The following PLEK2 variants were observed in gnomAD, a reference collection of about 807,000 sequenced individuals.
The protein encoded by PLEK2 is pleckstrin 2.
In PLEK2, 29 loss-of-function variants were observed where a neutral mutation model predicts 43.8. The ratio of observed to expected loss-of-function variants is 0.66; its 90% CI spans 0.49 to 0.90. The LOEUF is 0.90. PLEK2 is among the 40% of genes least tolerant of loss of function. The pLI, the probability that PLEK2 is intolerant of heterozygous loss-of-function variation, is 0.00. For missense variants in PLEK2, 398 were observed against 448.1 expected (o/e 0.89, Z 1.01); for synonymous variants, 162 against 173.2 (o/e 0.94, Z 0.51).
Position 67,409,763 on chromosome 14 carries a change from G to A in PLEK2, c.42+2255C>T, listed in dbSNP as rs1264461110. On this transcript the variant is annotated intron_variant, in intron 1 of 8. Transcript: ENST00000216446. ...CTCTGCACTCCGGCTTCCAACGCAG[G>A]CCCTGCCCCACCTCTGAGCTCTTAA... Among the ~76,000 whole-genome samples, 11 of 152,226 alleles carry A rather than the reference G, an allele frequency of 7.2e-5. No individual in the cohort carries two copies. The East Asian group carries it at 2.1e-3, about 29-fold the overall frequency.
At chr14:67,389,784 T>G (rs2085953932) in intron 7 of PLEK2, among the ~76,000 whole-genome samples, 1 of 152,058 alleles carries the variant, frequency 6.6e-6, no homozygotes, top group Non-Finnish European at 1.5e-5. Flanking sequence ...TCTTTTTTTT[T>G]TTTTTAAGTG....
intron 7 of PLEK2, among the ~76,000 whole-genome samples, chr14:67,390,050 A>C (rs997941969): frequency 6.6e-6 from 1 of 152,230 alleles, no homozygotes; most frequent in African/African-American, 2.4e-5. Flanking sequence ...TGAAAGTCAT[A>C]CATTGCCCAA....
intron 1 of PLEK2, among the ~76,000 whole-genome samples, chr14:67,398,701 C>T (rs969477139): frequency 1.8e-4 from 28 of 152,066 alleles, no homozygotes; most frequent in African/African-American, 6.5e-4. Context: ...GGACTACAAG[C>T]GTGTGCCACC....
intron 1 of PLEK2, among the ~76,000 whole-genome samples, chr14:67,411,655 A>C (rs995404958): frequency 1.3e-5 from 2 of 152,222 alleles, no homozygotes; most frequent in Non-Finnish European, 2.9e-5. Context: ...CCTCCTTCAC[A>C]GGTTGTAAAT....
rs1477599755 is a variant in PLEK2, at chr14:67,393,176, C to T, written c.455G>A (p.Gly152Glu). 6.2e-7 allele frequency: 1 copy of T among 1,613,766 alleles called. No homozygotes were observed. The highest frequency in any genetic ancestry group is 8.5e-7 in the Non-Finnish European group (1 of 1,179,630). The part of the protein sequence containing the change: ...GIRSSPNMEQ[G>E]STYKKTFLGS... Reference sequence around the variant, plus strand: ...GAGGAAGGTCTTTTTATAGGTGCTTCCCTGCTCCATGTTGGGGCTTGAACG... The same window carrying T: ...GAGGAAGGTCTTTTTATAGGTGCTTTCCTGCTCCATGTTGGGGCTTGAACG... The change falls in exon 4 of 9, where the codon GGA becomes GAA. Residue 152 changes from glycine to glutamate, a missense_variant. Physicochemically the swap from Gly to Glu is moderately conservative, Grantham distance 98. Transcript: ENST00000216446.
At position 67,387,223 on chromosome 14, in the gene PLEK2, T is replaced by C. The variant is rs76880186; in HGVS notation, c.*106A>G. The C allele has an allele frequency of 5.6e-4, 620 of 1,104,760 alleles. 5 individuals are homozygous for C. In the East Asian group the frequency reaches 0.015, roughly 27 times the overall value. The allele number at this position is 1,104,760 out of a possible 1,614,324, so 68.4% of individuals were successfully genotyped here. A position where few individuals can be genotyped will look rare whatever the true frequency, so the allele number is the denominator to read the frequency against. On this transcript the variant is annotated 3_prime_UTR_variant, in exon 9 of 9. Coordinates refer to ENST00000216446, the MANE Select transcript of PLEK2 (RefSeq NM_016445.3). The stretch of plus-strand genomic sequence containing the variant: ...TGGCAGCATTCACTCTCCAAAGCAG[T>C]ACAAAACTTACAAAGAAGTCAAAAG...
intron 2 of PLEK2, among the ~76,000 whole-genome samples, chr14:67,396,724 T>C (rs1427650495): frequency 2.0e-5 from 3 of 152,266 alleles, no homozygotes. Context: ...TGACCCAGCC[T>C]GAAATATCTT....
chr14:67,399,256 A>C (rs1445763127), intron 1 of PLEK2, among the ~76,000 whole-genome samples: 1 of 151,722 alleles, frequency 6.6e-6, no homozygotes, highest in Non-Finnish European at 1.5e-5. Context: ...GGTGGCAGGA[A>C]TAGAGAAGGG....
Position 67,412,118 on chromosome 14 carries a change from C to A in PLEK2, c.-59G>T. ...CGCCTTCCCCGCGCCTCGCGCTCCT[C>A]GGCACCCGCGCAGCCCGCGCAGTCC... is the stretch of plus-strand genomic sequence containing the variant. On this transcript the variant is annotated 5_prime_UTR_variant, in exon 1 of 9. Transcript: ENST00000216446. 1.4e-6 allele frequency: 2 copies of A among 1,425,338 alleles called. No individual in the cohort carries two copies. The highest frequency in any genetic ancestry group is 3.0e-5 in the East Asian group (1 of 33,234). The allele number at this position is 1,425,338 out of a possible 1,614,324, so 88.3% of individuals were successfully genotyped here. A position where few individuals can be genotyped will look rare whatever the true frequency, so the allele number is the denominator to read the frequency against.
chr14:67,404,906 G>A (rs978089732), intron 1 of PLEK2, among the ~76,000 whole-genome samples: 10 of 151,962 alleles, frequency 6.6e-5, no homozygotes, highest in African/African-American at 2.2e-4. Context: ...TGTAAACAAT[G>A]GTCACCTCTA....
At chr14:67,389,728 G>C (rs1198825375) in intron 7 of PLEK2, among the ~76,000 whole-genome samples, 1 of 151,658 alleles carries the variant, frequency 6.6e-6, no homozygotes, top group Non-Finnish European at 1.5e-5. Flanking sequence ...AAGTAGGTTA[G>C]GCTAGACCAT....
chr14:67,412,092 G>A lies in PLEK2; in HGVS notation c.-33C>T. On this transcript the variant is annotated 5_prime_UTR_variant, in exon 1 of 9. Transcript: ENST00000216446. ...CCCGCACGCCAGGGCCACCCCAGGTGCGCCTTCCCCGCGCCTCGCGCTCCT... is the reference window on the plus strand; with the variant it reads ...CCCGCACGCCAGGGCCACCCCAGGTACGCCTTCCCCGCGCCTCGCGCTCCT... 1 of 1,496,952 alleles carries A rather than the reference G, an allele frequency of 6.7e-7. No homozygotes were observed. Among genetic ancestry groups the A allele is most frequent in the Non-Finnish European group, 8.9e-7 (1 of 1,125,438 alleles). The allele number at this position is 1,496,952 out of a possible 1,614,324, so 92.7% of individuals were successfully genotyped here.
chr14:67,390,511 T>C (rs1218634065), intron 7 of PLEK2, 152 bp downstream of exon 7: 1 of 686,758 alleles, frequency 1.5e-6, no homozygotes, highest in Non-Finnish European at 2.7e-6. Flanking sequence ...GCAGAGCAGC[T>C]TGGACTGTGG....
At chr14:67,395,635 G>T in intron 2 of PLEK2, 52 bp from the exon 3 acceptor site, 2 of 1,548,426 alleles carry the variant, frequency 1.3e-6, no homozygotes, top group Non-Finnish European at 1.8e-6. Flanking sequence ...GCAAGAGGAC[G>T]CCGGGCAGCA....
At chr14:67,411,168 A>C (rs899616912) in intron 1 of PLEK2, among the ~76,000 whole-genome samples, 7 of 149,980 alleles carry the variant, frequency 4.7e-5, no homozygotes, top group Non-Finnish European at 8.9e-5. Flanking sequence ...AGGTCAAATC[A>C]GGAAAAAATT....
At position 67,394,236 on chromosome 14, in the gene PLEK2, A is replaced by C. The variant is rs137873837; in HGVS notation, c.390-995T>G. 2.9e-3 allele frequency among the ~76,000 whole-genome samples: 435 copies of C among 152,260 alleles called. 8 individuals carry two copies. The highest frequency in any genetic ancestry group is 0.027 in the Admixed American group (415 of 15,300). On this transcript the variant is annotated intron_variant, in intron 3 of 8. Transcript: ENST00000216446. ...CAAAGAGGTGTGACTTTTAACTTACAAACAAGAGTGTATGCTGGGCACAGT... is the reference window on the plus strand; with the variant it reads ...CAAAGAGGTGTGACTTTTAACTTACCAACAAGAGTGTATGCTGGGCACAGT...
intron 1 of PLEK2, among the ~76,000 whole-genome samples, chr14:67,400,352 CCTTA>C (rs2086039711): frequency 6.6e-6 from 1 of 152,202 alleles, no homozygotes; most frequent in Non-Finnish European, 1.5e-5. Context: ...TCACTTTGTT[CCTTA>C]CTTACATCCA....
In PLEK2 at chr14:67,387,320, A is replaced by C. The variant is rs1595653544; in HGVS notation, c.*9T>G. On this transcript the variant is annotated 3_prime_UTR_variant, in exon 9 of 9. Transcript: ENST00000216446. Reference sequence around the variant, plus strand: ...AGGAGGGAGGAATCCTGGTTCCCTCAGGTCCTTGTCATGTTAGCTTTTTGA... The same window carrying C: ...AGGAGGGAGGAATCCTGGTTCCCTCCGGTCCTTGTCATGTTAGCTTTTTGA... 1 of 1,606,948 alleles carries C rather than the reference A, an allele frequency of 6.2e-7. No homozygotes were observed. The highest frequency in any genetic ancestry group is 1.3e-5 in the African/African-American group (1 of 74,520).
intron 1 of PLEK2, among the ~76,000 whole-genome samples, chr14:67,409,822 C>A (rs1419103903): frequency 6.6e-6 from 1 of 152,202 alleles, no homozygotes; most frequent in African/African-American, 2.4e-5. Context: ...CCTGCCACAG[C>A]CTGCAACTTC....
Sources: allele counts gnomAD v4.1 joint callset (sites outside exome capture counted in the v4.1 genomes callset), GRCh38; gene constraint gnomAD v4.1.1; transcripts MANE v1.5; gene names NCBI Gene and HGNC (gene_info 2026-07-23, HGNC 2026-07-21).